Variants in ANKRD30BL observed in about 807,000 individuals in gnomAD.
The protein encoded by ANKRD30BL is ankyrin repeat domain 30B like.
A neutral mutation model predicts 18.4 loss-of-function variants in ANKRD30BL; 20 were observed. That is an observed-to-expected ratio of 1.09 (90% confidence interval 0.77 to 1.58). The LOEUF (loss-of-function observed/expected upper bound fraction) is 1.58. ANKRD30BL is among the 40% of genes most tolerant of loss of function. ANKRD30BL has a pLI of 0.00. For synonymous variants in ANKRD30BL, 72 were observed against 100.9 expected (o/e 0.71, Z 1.72); for missense variants, 224 against 268.6 (o/e 0.83, Z 1.16).
Position 132,208,281 on chromosome 2 carries a change from A to T in ANKRD30BL, n.441+49248T>A, listed in dbSNP as rs1679249325. On this transcript the variant is annotated intron_variant and non_coding_transcript_variant, in intron 1 of 4. Transcript: ENST00000470729. ...TGTTTTATGTTGCCTCTAACATTCAAAAGAGCCTCTAACAGTTTTCCTTTC... is the reference window on the plus strand; with the variant it reads ...TGTTTTATGTTGCCTCTAACATTCATAAGAGCCTCTAACAGTTTTCCTTTC... Among the ~76,000 whole-genome samples the T allele has an allele frequency of 2.0e-5, 3 of 152,258 alleles. No individual in the cohort carries two copies. In the South Asian group the frequency reaches 6.2e-4, roughly 32 times the overall value.
intron 1 of ANKRD30BL, among the ~76,000 whole-genome samples, chr2:132,220,913 C>T (rs1317277489): frequency 6.8e-5 from 10 of 147,498 alleles, no homozygotes; most frequent in East Asian, 4.1e-4. Flanking sequence ...ATCTAGGAAG[C>T]GAGGAGCTCC....
chr2:132,220,160 G>A (rs562507755), intron 1 of ANKRD30BL, among the ~76,000 whole-genome samples: 1 of 152,088 alleles, frequency 6.6e-6, no homozygotes, highest in South Asian at 2.1e-4. Flanking sequence ...GTTGGAAATG[G>A]GAATATCCTT....
At chr2:132,169,924 G>C (rs1432030456) in intron 1 of ANKRD30BL, among the ~76,000 whole-genome samples, 1 of 151,990 alleles carries the variant, frequency 6.6e-6, no homozygotes, top group Non-Finnish European at 1.5e-5. Flanking sequence ...ATAAAGTACT[G>C]AGCATAACAA....
At chr2:132,233,889 T>C (rs1167226187) in intron 1 of ANKRD30BL, among the ~76,000 whole-genome samples, 1 of 152,052 alleles carries the variant, frequency 6.6e-6, no homozygotes, top group East Asian at 1.9e-4. Context: ...ATACATTTTT[T>C]TCAACACCAC....
chr2:132,148,369 T>C (rs1378961870), intron 5 of ANKRD30BL, 141 bp from the exon 6 acceptor site: 2 of 618,576 alleles, frequency 3.2e-6, no homozygotes, highest in Non-Finnish European at 5.3e-6. Context: ...TTTTTTTTTT[T>C]TTTTTTTTTT....
rs557546458 is a variant in ANKRD30BL, at chr2:132,181,543, C to G, written n.442-24397G>C. Among the ~76,000 whole-genome samples, 723 of 152,088 alleles carry G rather than the reference C, an allele frequency of 4.8e-3. 2 individuals carry two copies. The highest frequency in any genetic ancestry group is 6.7e-3 in the Non-Finnish European group (458 of 67,982). On this transcript the variant is annotated intron_variant and non_coding_transcript_variant, in intron 1 of 4. Transcript: ENST00000470729. ...TAGAGATTCCCCTTAACTTCTACCACTAAAAGCAGACACACACACACACTC... is the reference window on the plus strand; with the variant it reads ...TAGAGATTCCCCTTAACTTCTACCAGTAAAAGCAGACACACACACACACTC...
At chr2:132,215,448 T>C (rs1679473753) in intron 1 of ANKRD30BL, among the ~76,000 whole-genome samples, 2 of 152,252 alleles carry the variant, frequency 1.3e-5, no homozygotes, top group Non-Finnish European at 2.9e-5. Context: ...ATTAAGCAGT[T>C]CTGAAAAACC....
At chr2:132,180,020 AG>A (rs1333985017) in intron 1 of ANKRD30BL, among the ~76,000 whole-genome samples, 1 of 152,198 alleles carries the variant, frequency 6.6e-6, no homozygotes, top group South Asian at 2.1e-4. Context: ...AGTAAGCTAA[AG>A]CTAATTTATT....
intron 1 of ANKRD30BL, among the ~76,000 whole-genome samples, chr2:132,234,881 CA>C (rs1680113277): frequency 6.6e-6 from 1 of 152,042 alleles, no homozygotes; most frequent in African/African-American, 2.4e-5. Context: ...GAGACACAAC[CA>C]AAAAAGAGAA....
At chr2:132,246,672 C>T (rs1372979329) in intron 1 of ANKRD30BL, among the ~76,000 whole-genome samples, 1 of 151,918 alleles carries the variant, frequency 6.6e-6, no homozygotes, top group Non-Finnish European at 1.5e-5. Context: ...TTCTCAGAAA[C>T]TTTTTTGTGA....
chr2:132,219,972 G>A (rs111849978), intron 1 of ANKRD30BL, among the ~76,000 whole-genome samples: 2 of 151,880 alleles, frequency 1.3e-5, no homozygotes, highest in East Asian at 3.9e-4. Context: ...AGCGCCTTGA[G>A]GCCTATGGTG....
At position 132,154,717 on chromosome 2, in the gene ANKRD30BL, C is replaced by G. The variant is rs558365129; in HGVS notation, c.559G>C (p.Val187Leu). The G allele has an allele frequency of 2.7e-6, 2 of 734,486 alleles. No individual in the cohort carries two copies. The highest frequency in any genetic ancestry group is 2.9e-5 in the South Asian group (2 of 69,402). 45.5% of individuals were successfully genotyped at this position (734,486 alleles called of 1,614,324 possible). A position where few individuals can be genotyped will look rare whatever the true frequency, so the allele number is the denominator to read the frequency against. Residue 187 changes from valine to leucine, a missense_variant, in exon 4 of 6, where the codon GTG becomes CTG. By Grantham distance (32) the Val-to-Leu change is conservative (BLOSUM62 1). Around this residue, in one of 3 missense-constraint regions of ANKRD30BL, gnomAD observed 63 missense variants for 62.3 expected, o/e 1.01. Coordinates refer to ENST00000409867, the MANE Select transcript of ANKRD30BL (RefSeq NM_001358416.1). ...LAIRKRSEEI[V>L]EFLLTKNANA... is the part of the protein sequence containing the mutation. ...GCATTTTTTGTCAGTAAAAATTCCA[C>G]AATTTCCTCACTTCTTTTCCTTATG...
At chr2:132,164,867 G>T (rs1357720232), upstream of ANKRD30BL, among the ~76,000 whole-genome samples, 1 of 151,954 alleles carries the variant, frequency 6.6e-6, no homozygotes, top group African/African-American at 2.4e-5. Flanking sequence ...GTCAGAAGAT[G>T]GGGACCATCC....
chr2:132,175,470 A>G (rs925371911), intron 1 of ANKRD30BL, among the ~76,000 whole-genome samples: 2 of 152,378 alleles, frequency 1.3e-5, no homozygotes, highest in East Asian at 3.9e-4. Context: ...AGAATTGAAC[A>G]AATGTAAAAT....
rs111685647 is a variant in ANKRD30BL at position 132,202,729 on chromosome 2, G to A, written n.442-45583C>T. Reference sequence around the variant, plus strand: ...TATGAATATTTATATATATATTTGCGTACACACACCATATATATACCTGTG... The same window carrying A: ...TATGAATATTTATATATATATTTGCATACACACACCATATATATACCTGTG... On this transcript the variant is annotated intron_variant and non_coding_transcript_variant, in intron 1 of 4. Coordinates refer to the ANKRD30BL transcript ENST00000470729. Among the ~76,000 whole-genome samples the A allele has an allele frequency of 3.5e-4, 53 of 152,012 alleles. 1 individual carries two copies. Among genetic ancestry groups the A allele is most frequent in the African/African-American group, 6.8e-4 (28 of 41,388 alleles).
At chr2:132,160,324 AT>A (rs1295898062) in intron 1 of ANKRD30BL, among the ~76,000 whole-genome samples, 1 of 149,572 alleles carries the variant, frequency 6.7e-6, no homozygotes, top group Non-Finnish European at 1.5e-5. Flanking sequence ...TAGTCTTGAA[AT>A]CCTGACCTCA....
At chr2:132,220,180 T>C (rs552472997) in intron 1 of ANKRD30BL, among the ~76,000 whole-genome samples, 3 of 150,322 alleles carry the variant, frequency 2.0e-5, no homozygotes, top group South Asian at 2.1e-4. Flanking sequence ...TATATAAAAA[T>C]TAGGTAGAAG....
intron 1 of ANKRD30BL, chr2:132,256,959 TC>T (rs1680866276): frequency 2.0e-6 from 1 of 504,944 alleles, no homozygotes. Flanking sequence ...GAGGGGCGGC[TC>T]GGGGAGAAAC....
At chr2:132,150,497 T>C (rs1687730149) in intron 5 of ANKRD30BL, among the ~76,000 whole-genome samples, 1 of 151,372 alleles carries the variant, frequency 6.6e-6, no homozygotes, top group Admixed American at 6.6e-5. Flanking sequence ...ATTCATTAAA[T>C]TGGATAAGCT....
Sources: allele counts gnomAD v4.1 joint callset (sites outside exome capture counted in the v4.1 genomes callset), GRCh38; gene constraint gnomAD v4.1.1; regional missense constraint gnomAD v4.1.1; transcripts MANE v1.5; gene names NCBI Gene and HGNC (gene_info 2026-07-23, HGNC 2026-07-21).